Variants in GPC3 observed in about 807,000 individuals in gnomAD.
GPC3 encodes glypican-3.
In GPC3, 3 loss-of-function variants were observed where a neutral mutation model predicts 34.4. The observed-to-expected ratio is 0.09, with a 90% CI of 0.04 to 0.23. The LOEUF is 0.23. Among genes scored for constraint, GPC3 ranks in the 10% least tolerant of loss-of-function variants. The pLI, the probability that GPC3 is intolerant of heterozygous loss-of-function variation, is 1.00. For synonymous variants in GPC3, 177 were observed against 174.0 expected (o/e 1.02, Z -0.13); for missense variants, 351 against 445.6 (o/e 0.79, Z 1.91).
At chrX:133,642,641 G>A (rs1392434869) in intron 6 of GPC3, among the ~76,000 whole-genome samples, 3 of 109,073 alleles carry the variant, frequency 2.8e-5, no homozygotes, top group African/African-American at 6.7e-5. Context: ...GCGTGGTGGC[G>A]CATGCCTGTA....
chrX:133,765,128 A>C (rs1205706688), intron 2 of GPC3, among the ~76,000 whole-genome samples: 2 of 111,870 alleles, frequency 1.8e-5, no homozygotes, highest in Non-Finnish European at 3.8e-5. Context: ...TTAATTAAAA[A>C]CTTTTCTTTT....
At chrX:133,934,720 G>A (rs1488233805) in intron 2 of GPC3, among the ~76,000 whole-genome samples, 4 of 101,845 alleles carry the variant, frequency 3.9e-5, no homozygotes, top group Non-Finnish European at 7.9e-5. Context: ...ACGGGGTTTC[G>A]CCTCATTGCT....
At chrX:133,600,096 G>A (rs2069964066) in intron 6 of GPC3, among the ~76,000 whole-genome samples, 2 of 111,798 alleles carry the variant, frequency 1.8e-5, no homozygotes, top group South Asian at 7.5e-4. Flanking sequence ...CATCCTGTGA[G>A]CTGCCCAGGG....
At chrX:133,706,264 G>A (rs1244332854) in intron 3 of GPC3, among the ~76,000 whole-genome samples, 3 of 111,903 alleles carry the variant, frequency 2.7e-5, no homozygotes, top group African/African-American at 9.7e-5. Context: ...AGAAAACTAA[G>A]GAAATACACT....
At chrX:133,679,646 TTTTTATTTTA>T (rs945994089) in intron 5 of GPC3, among the ~76,000 whole-genome samples, 1 of 110,535 alleles carries the variant, frequency 9.0e-6, no homozygotes, top group African/African-American at 3.3e-5. Context: ...TACTATTTAT[TTTTTATTTTA>T]TTTTATTTTA....
chrX:133,864,608 C>T lies in GPC3; in HGVS notation c.337+88442G>A, dbSNP rs1298206856. ...TCCCAGCAGCCTTGTCTGTCCTGAACTCAAGTGTAACTGACAGATTGGCTG... is the reference window on the plus strand; with the variant it reads ...TCCCAGCAGCCTTGTCTGTCCTGAATTCAAGTGTAACTGACAGATTGGCTG... On this transcript the variant is annotated intron_variant, in intron 2 of 7. Coordinates refer to ENST00000370818, the MANE Select transcript of GPC3 (RefSeq NM_004484.4). Among the ~76,000 whole-genome samples, 4 of 112,347 alleles carry T rather than the reference C, an allele frequency of 3.6e-5. No individual in the cohort carries two copies. In the East Asian group the frequency reaches 8.3e-4, roughly 23 times the overall value.
intron 6 of GPC3, among the ~76,000 whole-genome samples, chrX:133,625,974 C>T (rs2070294377): frequency 1.8e-5 from 2 of 111,411 alleles, no homozygotes; most frequent in African/African-American, 6.5e-5. Context: ...GAGATATAGA[C>T]CAATGGAATA....
At chrX:133,836,033 C>T (rs1331908092) in intron 2 of GPC3, among the ~76,000 whole-genome samples, 1 of 113,274 alleles carries the variant, frequency 8.8e-6, no homozygotes, top group African/African-American at 3.2e-5. Flanking sequence ...AGTCCAGCTA[C>T]CTCTCTGAGA....
intron 2 of GPC3, among the ~76,000 whole-genome samples, chrX:133,808,929 T>C (rs1333787508): frequency 2.7e-5 from 3 of 112,235 alleles, no homozygotes; most frequent in Admixed American, 9.4e-5. Flanking sequence ...ACAAGACACA[T>C]ATATAGACAT....
At chrX:133,806,983 C>T (rs761577766) in intron 2 of GPC3, among the ~76,000 whole-genome samples, 2 of 111,811 alleles carry the variant, frequency 1.8e-5, no homozygotes, top group South Asian at 7.6e-4. Context: ...TGAGGGTTCA[C>T]TTACAGCAAA....
chrX:133,814,409 G>C (rs932205881), intron 2 of GPC3, among the ~76,000 whole-genome samples: 2 of 111,218 alleles, frequency 1.8e-5, no homozygotes, highest in Non-Finnish European at 1.9e-5. Flanking sequence ...AGGCTTGTCT[G>C]CTCACTAGGA....
intron 7 of GPC3, among the ~76,000 whole-genome samples, chrX:133,544,135 G>A (rs1043022428): frequency 3.6e-5 from 4 of 111,672 alleles, no homozygotes. Context: ...GGAGGCTGAC[G>A]TGGGATGATT....
At chrX:133,675,045 A>G (rs757726452) in intron 5 of GPC3, among the ~76,000 whole-genome samples, 1 of 111,908 alleles carries the variant, frequency 8.9e-6, no homozygotes, top group African/African-American at 3.3e-5. Flanking sequence ...CTTGTGTGGC[A>G]TCTCTAGAAT....
At chrX:133,697,598 T>C (rs984323652) in intron 4 of GPC3, among the ~76,000 whole-genome samples, 9 of 111,887 alleles carry the variant, frequency 8.0e-5, no homozygotes, top group South Asian at 3.8e-4. Flanking sequence ...CACCCCCCAA[T>C]GTATGGAAAT....
chrX:133,867,975 A>C (rs1461119736), intron 2 of GPC3, among the ~76,000 whole-genome samples: 7 of 109,291 alleles, frequency 6.4e-5, no homozygotes, highest in Non-Finnish European at 3.8e-5. Context: ...CTCCCCGTCC[A>C]TCCCACTGAG....
At chrX:133,872,840 G>C (rs139193256) in intron 2 of GPC3, among the ~76,000 whole-genome samples, 2,470 of 111,407 alleles carry the variant, frequency 0.022, 73 homozygotes, top group African/African-American at 0.076. Flanking sequence ...AAATGACCTG[G>C]GGTTAGGACA....
At chrX:133,596,628 G>A (rs200094711) in intron 6 of GPC3, 29 bp from the exon 7 acceptor site, 16 of 1,191,233 alleles carry the variant, frequency 1.3e-5, no homozygotes, top group Non-Finnish European at 1.1e-6. Context: ...GAATGCATCA[G>A]CTCTTCATAT....
At chrX:133,730,346 A>T (rs1279142755) in intron 3 of GPC3, among the ~76,000 whole-genome samples, 1 of 112,017 alleles carries the variant, frequency 8.9e-6, no homozygotes, top group East Asian at 2.8e-4. Context: ...ATTGGCTATA[A>T]CTGAAGCACA....
intron 1 of GPC3, among the ~76,000 whole-genome samples, chrX:133,964,137 C>A (rs190523131): frequency 1.8e-5 from 2 of 112,136 alleles, no homozygotes; most frequent in Non-Finnish European, 3.8e-5. Flanking sequence ...TAGAACTGGT[C>A]TTTTTGTCAT....
Sources: gnomAD v4.1 joint callset for allele counts (sites outside exome capture counted in the v4.1 genomes callset) on GRCh38, gnomAD v4.1.1 for gene constraint, MANE v1.5 for transcripts, NCBI Gene and HGNC (gene_info 2026-07-23, HGNC 2026-07-21) for gene names.